FSTL5: variants seen among roughly 807,000 people sequenced by gnomAD.
FSTL5 encodes follistatin like 5.
In FSTL5, 62 loss-of-function variants were observed where a neutral mutation model predicts 89.1. That is an observed-to-expected ratio of 0.70 (90% CI 0.57 to 0.86). The LOEUF is 0.86. Among genes scored for constraint, FSTL5 ranks in the 40% least tolerant of loss-of-function variants. The pLI, the probability that FSTL5 is intolerant of heterozygous loss-of-function variation, is 0.00. For synonymous variants in FSTL5, 383 were observed against 346.2 expected (o/e 1.11, Z -1.18); for missense variants, 1,057 against 1,001.6 (o/e 1.06, Z -0.75).
At chr4:161,931,061 G>A (rs1042168429) in intron 3 of FSTL5, among the ~76,000 whole-genome samples, 3 of 151,910 alleles carry the variant, frequency 2.0e-5, no homozygotes, top group Admixed American at 2.0e-4. Flanking sequence ...TAGAAATTAG[G>A]GATGTGGACA....
rs1738759452 is a variant in FSTL5, at chr4:162,062,686, TAA to T, written c.127-29030_127-29029del. On this transcript the variant is annotated intron_variant, in intron 2 of 15. Transcript: ENST00000306100. ...TCTTTCTCATATTTCCAGTTGAAATTAAAGAGTAAGATAAAGTAAAATTTACT... is the reference window on the plus strand; with the variant it reads ...TCTTTCTCATATTTCCAGTTGAAATTAGAGTAAGATAAAGTAAAATTTACT... Among the ~76,000 whole-genome samples the T allele has an allele frequency of 2.0e-5, 3 of 151,190 alleles. No homozygotes were observed. The South Asian group carries it at 6.2e-4, about 31-fold the overall frequency.
At chr4:161,903,544 C>T (rs1733432067) in intron 4 of FSTL5, among the ~76,000 whole-genome samples, 1 of 151,584 alleles carries the variant, frequency 6.6e-6, no homozygotes, top group Non-Finnish European at 1.5e-5. Context: ...TTTTTTAAAA[C>T]TATTATAGTC....
intron 3 of FSTL5, among the ~76,000 whole-genome samples, chr4:161,996,090 C>A (rs1216173413): frequency 1.3e-5 from 2 of 152,144 alleles, no homozygotes; most frequent in Non-Finnish European, 2.9e-5. Context: ...GAAAAGATAG[C>A]TTTTGTTAAT....
chr4:161,747,835 A>G (rs917837194), intron 6 of FSTL5, among the ~76,000 whole-genome samples: 13 of 152,176 alleles, frequency 8.5e-5, no homozygotes, highest in African/African-American at 3.1e-4. Flanking sequence ...ATGTTTGTTG[A>G]TGTTTATTTA....
intron 9 of FSTL5, 81 bp downstream of exon 9, chr4:161,542,451 T>C (rs2126544779): frequency 2.0e-6 from 2 of 978,822 alleles, no homozygotes; most frequent in Non-Finnish European, 2.8e-6. Flanking sequence ...ATTTTTCTTT[T>C]ATTTTCCAAA....
At chr4:161,583,404 C>T (rs892231589) in intron 8 of FSTL5, among the ~76,000 whole-genome samples, 2 of 152,090 alleles carry the variant, frequency 1.3e-5, no homozygotes, top group African/African-American at 4.8e-5. Flanking sequence ...CTGCCATCCC[C>T]AAACCGCCCT....
chr4:161,548,952 A>C (rs1021346551), intron 8 of FSTL5, among the ~76,000 whole-genome samples: 1 of 151,906 alleles, frequency 6.6e-6, no homozygotes, highest in African/African-American at 2.4e-5. Context: ...GCTATCTTTA[A>C]TGTAAATATT....
chr4:161,641,561 G>A (rs961372352), intron 7 of FSTL5, among the ~76,000 whole-genome samples: 3 of 148,756 alleles, frequency 2.0e-5, no homozygotes, highest in East Asian at 2.0e-4. Context: ...GCGCGATCTC[G>A]GCTCACTGTA....
chr4:161,566,624 T>C (rs988532277), intron 8 of FSTL5, among the ~76,000 whole-genome samples: 5 of 152,070 alleles, frequency 3.3e-5, no homozygotes, highest in African/African-American at 1.2e-4. Context: ...CTGTTGTTTT[T>C]AGACTTTTTA....
rs1293568261 is a variant in FSTL5, at chr4:161,834,994, A to T, written c.410-58920T>A. On this transcript the variant is annotated intron_variant, in intron 4 of 15. Coordinates refer to ENST00000306100, the MANE Select transcript of FSTL5 (RefSeq NM_020116.5). ...CACCAAAAAAGAGCCTGCATCGCCA[A>T]GTCAATCCTAAGCCAAAAGAACAAA... is the stretch of plus-strand genomic sequence containing the variant. 8.9e-5 allele frequency among the ~76,000 whole-genome samples: 13 copies of T among 146,282 alleles called. 1 individual carries two copies. The highest frequency in any genetic ancestry group is 2.7e-4 in the Admixed American group (4 of 14,720).
At chr4:161,463,893 T>G (rs997916683) in intron 13 of FSTL5, among the ~76,000 whole-genome samples, 3 of 152,132 alleles carry the variant, frequency 2.0e-5, no homozygotes, top group African/African-American at 7.2e-5. Context: ...TTGCAATATC[T>G]CTACTATCCC....
At chr4:162,042,776 A>G (rs985728515) in intron 2 of FSTL5, among the ~76,000 whole-genome samples, 1 of 151,976 alleles carries the variant, frequency 6.6e-6, no homozygotes, top group Admixed American at 6.6e-5. Flanking sequence ...ATACAAAATG[A>G]TGAGTTCATA....
At chr4:161,701,889 G>A (rs1006235369) in intron 6 of FSTL5, among the ~76,000 whole-genome samples, 1 of 151,968 alleles carries the variant, frequency 6.6e-6, no homozygotes, top group Non-Finnish European at 1.5e-5. Flanking sequence ...TTGCAATGGT[G>A]TCTTATTAGA....
intron 14 of FSTL5, among the ~76,000 whole-genome samples, chr4:161,457,539 C>T (rs933099716): frequency 6.6e-6 from 1 of 151,894 alleles, no homozygotes; most frequent in Non-Finnish European, 1.5e-5. Flanking sequence ...AATTGCAACG[C>T]TGGGAAAGTT....
At chr4:162,121,555 G>A (rs1372594305) in intron 1 of FSTL5, among the ~76,000 whole-genome samples, 1 of 152,050 alleles carries the variant, frequency 6.6e-6, no homozygotes, top group Non-Finnish European at 1.5e-5. Flanking sequence ...TGGACCATCA[G>A]TCTCCCACCT....
intron 6 of FSTL5, among the ~76,000 whole-genome samples, chr4:161,698,281 T>C (rs1738253342): frequency 6.6e-6 from 1 of 152,130 alleles, no homozygotes; most frequent in South Asian, 2.1e-4. Context: ...ATGTTTGTTG[T>C]TTAGGCCTAA....
chr4:161,549,453 G>A (rs1372091321), intron 8 of FSTL5, among the ~76,000 whole-genome samples: 1 of 151,856 alleles, frequency 6.6e-6, no homozygotes, highest in East Asian at 2.0e-4. Context: ...TAAATTCCCT[G>A]ATGTAGCCGG....
intron 3 of FSTL5, among the ~76,000 whole-genome samples, chr4:161,924,593 G>A (rs1029049883): frequency 6.6e-6 from 1 of 151,656 alleles, no homozygotes; most frequent in African/African-American, 2.4e-5. Flanking sequence ...TAAGTAGAGA[G>A]ACTAAGATTT....
chr4:162,030,870 A>G (rs1292031221), intron 3 of FSTL5, among the ~76,000 whole-genome samples: 1 of 152,228 alleles, frequency 6.6e-6, no homozygotes, highest in African/African-American at 2.4e-5. Flanking sequence ...ATAAATTTAA[A>G]TACTTCTGTA....
Sources: allele counts gnomAD v4.1 joint callset (sites outside exome capture counted in the v4.1 genomes callset), GRCh38; gene constraint gnomAD v4.1.1; transcripts MANE v1.5; gene names NCBI Gene and HGNC (gene_info 2026-07-23, HGNC 2026-07-21).